DMD: variants seen among roughly 807,000 people sequenced by gnomAD.
DMD encodes the protein dystrophin.
In DMD, 63 loss-of-function variants were observed where a neutral mutation model predicts 330.1. The ratio of observed to expected loss-of-function variants is 0.19; its 90% CI spans 0.16 to 0.24. DMD has a LOEUF of 0.24. Among genes scored for constraint, DMD ranks in the 10% least tolerant of loss-of-function variants. The pLI is 1.00. For synonymous variants in DMD, 1,223 were observed against 959.8 expected (o/e 1.27, Z -5.07); for missense variants, 3,344 against 2,684.1 (o/e 1.25, Z -5.43).
At chrX:33,195,559 G>T (rs1439730098) in intron 1 of DMD, among the ~76,000 whole-genome samples, 4 of 111,546 alleles carry the variant, frequency 3.6e-5, no homozygotes, top group African/African-American at 6.5e-5. Context: ...TTTCCTTTGA[G>T]ACTAAGAAAG....
intron 44 of DMD, among the ~76,000 whole-genome samples, chrX:32,068,661 TA>T (rs1195415803): frequency 1.8e-5 from 2 of 110,731 alleles, no homozygotes; most frequent in African/African-American, 3.3e-5. Context: ...TTCAATGCCC[TA>T]AAAAAATATA....
At chrX:32,702,203 A>G (rs1364208094) in intron 7 of DMD, among the ~76,000 whole-genome samples, 2 of 112,390 alleles carry the variant, frequency 1.8e-5, no homozygotes, top group Admixed American at 1.9e-4. Flanking sequence ...AAGTAATTGC[A>G]TTGCTGAACA....
chrX:31,871,084 T>C (rs5972452), intron 48 of DMD, among the ~76,000 whole-genome samples: 34,557 of 110,423 alleles, frequency 0.31, 4,153 homozygotes, highest in Non-Finnish European at 0.35. Flanking sequence ...TTCTGAAATC[T>C]GAAATCAACA....
intron 19 of DMD, among the ~76,000 whole-genome samples, chrX:32,492,823 G>A: frequency 9.0e-6 from 1 of 111,708 alleles, no homozygotes; most frequent in South Asian, 3.7e-4. Context: ...TTATACTTTG[G>A]AAATACTGAA....
At chrX:31,695,301 G>A (rs1235369938) in intron 52 of DMD, among the ~76,000 whole-genome samples, 1 of 110,679 alleles carries the variant, frequency 9.0e-6, no homozygotes, top group Non-Finnish European at 1.9e-5. Context: ...GGGATAGGTG[G>A]GGATTGTTAG....
intron 2 of DMD, among the ~76,000 whole-genome samples, chrX:32,991,238 GA>G (rs1221919814): frequency 2.4e-5 from 2 of 84,403 alleles, no homozygotes; most frequent in African/African-American, 3.9e-5. Context: ...TTTTTATGTA[GA>G]AAAAAATCAA....
intron 1 of DMD, among the ~76,000 whole-genome samples, chrX:33,204,857 T>G (rs185866073): frequency 4.4e-5 from 5 of 112,731 alleles, no homozygotes; most frequent in Admixed American, 1.9e-4. Context: ...TATTTTTGGA[T>G]TTATTTTGAG....
At chrX:31,201,123 C>A (rs187513146) in intron 67 of DMD, among the ~76,000 whole-genome samples, 1 of 106,742 alleles carries the variant, frequency 9.4e-6, no homozygotes, top group Non-Finnish European at 1.9e-5. Flanking sequence ...CCCAAGAGCT[C>A]GAGACCAGCC....
intron 61 of DMD, among the ~76,000 whole-genome samples, chrX:31,329,067 T>A (rs1601900287): frequency 1.8e-5 from 2 of 112,614 alleles, no homozygotes; most frequent in South Asian, 3.7e-4. Context: ...CCACCATTCA[T>A]CAGCATGAAT....
At chrX:32,494,468 T>C (rs1426109165) in intron 19 of DMD, among the ~76,000 whole-genome samples, 2 of 111,126 alleles carry the variant, frequency 1.8e-5, no homozygotes, top group African/African-American at 6.5e-5. Flanking sequence ...AGTTCAAATT[T>C]GATGCCCCTT....
chrX:32,934,084 G>A (rs1382806197), intron 2 of DMD, among the ~76,000 whole-genome samples: 1 of 111,499 alleles, frequency 9.0e-6, no homozygotes, highest in Non-Finnish European at 1.9e-5. Flanking sequence ...AAGAGTTAAG[G>A]ACATTACAAA....
At chrX:32,163,646 C>T (rs1424134128) in intron 44 of DMD, among the ~76,000 whole-genome samples, 1 of 111,625 alleles carries the variant, frequency 9.0e-6, no homozygotes, top group African/African-American at 3.3e-5. Context: ...CAGATAAGTG[C>T]ATGTAAAAGC....
chrX:33,261,294 G>T (rs188464140), intron 1 of DMD, among the ~76,000 whole-genome samples: 2 of 110,781 alleles, frequency 1.8e-5, no homozygotes, highest in African/African-American at 6.5e-5. Flanking sequence ...TTAATATATA[G>T]AAGAATAAGA....
chrX:33,086,145 A>G (rs1230038573), intron 1 of DMD, among the ~76,000 whole-genome samples: 2 of 111,522 alleles, frequency 1.8e-5, no homozygotes, highest in African/African-American at 3.2e-5. Context: ...CATAAGGAAA[A>G]TATCCCTGAT....
At chrX:31,170,952 C>T (rs1378078117) in intron 73 of DMD, among the ~76,000 whole-genome samples, 1 of 112,081 alleles carries the variant, frequency 8.9e-6, no homozygotes, top group African/African-American at 3.2e-5. Flanking sequence ...CACTTTTCTT[C>T]CTGTTCTCTT....
intron 52 of DMD, among the ~76,000 whole-genome samples, chrX:31,685,450 C>T (rs1050254891): frequency 2.7e-5 from 3 of 112,242 alleles, no homozygotes; most frequent in African/African-American, 9.7e-5. Flanking sequence ...ACTTCCCCTG[C>T]TCTCATATGT....
At chrX:32,971,048 G>T (rs1406442954) in intron 2 of DMD, among the ~76,000 whole-genome samples, 1 of 110,525 alleles carries the variant, frequency 9.0e-6, no homozygotes, top group Non-Finnish European at 1.9e-5. Context: ...GGCAACCTCT[G>T]CCTCCCGGGT....
At chrX:33,071,398 AAC>A (rs2148162371) in intron 1 of DMD, among the ~76,000 whole-genome samples, 1 of 105,443 alleles carries the variant, frequency 9.5e-6, no homozygotes, top group South Asian at 4.6e-4. Flanking sequence ...CAGCCTGGGC[AAC>A]AGAGTGAGAC....
chrX:32,656,649 A>G (rs1480585958), intron 9 of DMD, among the ~76,000 whole-genome samples: 4 of 111,798 alleles, frequency 3.6e-5, no homozygotes, highest in Non-Finnish European at 7.5e-5. Context: ...CATACTCTCA[A>G]TGAAGGTTCC....
Sources: allele counts gnomAD v4.1 joint callset (sites outside exome capture counted in the v4.1 genomes callset), GRCh38; gene constraint gnomAD v4.1.1; transcripts MANE v1.5; gene names NCBI Gene and HGNC (gene_info 2026-07-23, HGNC 2026-07-21).